TBC1D1: variants seen among roughly 807,000 people sequenced by gnomAD.
TBC1D1 encodes TBC1 (tre-2/USP6, BUB2, cdc16) domain family, member 1.
A neutral mutation model predicts 125.6 loss-of-function variants in TBC1D1; 89 were observed. The observed-to-expected ratio is 0.71, with a 90% CI of 0.60 to 0.85. The LOEUF (loss-of-function observed/expected upper bound fraction) is 0.85, where lower values mean the gene tolerates loss of function less well. Ranked by LOEUF, TBC1D1 falls within the 40% of genes least tolerant of loss-of-function variation. TBC1D1 has a pLI of 0.00. For synonymous variants in TBC1D1, 565 were observed against 564.1 expected (o/e 1.00, Z -0.02); for missense variants, 1,377 against 1,469.2 (o/e 0.94, Z 1.03).
chr4:38,089,089 A>G (rs1398965192), intron 12 of TBC1D1, among the ~76,000 whole-genome samples: 1 of 152,246 alleles, frequency 6.6e-6, no homozygotes, highest in African/African-American at 2.4e-5. Flanking sequence ...GATATAGGAA[A>G]CATTTGGATT....
intron 2 of TBC1D1, among the ~76,000 whole-genome samples, chr4:37,943,228 T>G (rs548762774): frequency 3.1e-4 from 47 of 152,370 alleles, no homozygotes; most frequent in African/African-American, 1.1e-3. Flanking sequence ...TGGGCTTCCC[T>G]TTGTGGGTAA....
chr4:37,921,029 G>A (rs1233756099), intron 2 of TBC1D1, among the ~76,000 whole-genome samples: 1 of 144,598 alleles, frequency 6.9e-6, no homozygotes, highest in Non-Finnish European at 1.5e-5. Flanking sequence ...AGAATGGCGC[G>A]AACCCAGGAG....
chr4:38,083,561 G>T (rs915894987), intron 12 of TBC1D1, among the ~76,000 whole-genome samples: 1 of 152,182 alleles, frequency 6.6e-6, no homozygotes, highest in Admixed American at 6.5e-5. Context: ...CTGTGTGCAG[G>T]CTTGTTTTTT....
chr4:38,040,488 TG>T lies in TBC1D1; in HGVS notation c.1414-3873del, dbSNP rs1748147987. On this transcript the variant is annotated intron_variant, in intron 8 of 19. Coordinates refer to ENST00000261439, the MANE Select transcript of TBC1D1 (RefSeq NM_015173.4). ...ATATTTAGTAGAGACGGGGTTTCAC[TG>T]TGTTGGATGGGATGTTCTCCGTCTC... is the stretch of plus-strand genomic sequence containing the variant. Among the ~76,000 whole-genome samples the T allele has an allele frequency of 2.0e-5, 3 of 152,266 alleles. No individual in the cohort carries two copies. In the South Asian group the frequency reaches 6.2e-4, roughly 32 times the overall value.
chr4:38,042,248 G>T (rs1157501601), intron 8 of TBC1D1, among the ~76,000 whole-genome samples: 4 of 151,786 alleles, frequency 2.6e-5, no homozygotes, highest in Non-Finnish European at 4.4e-5. Context: ...TGATTGTCTG[G>T]TTTACATTTT....
intron 2 of TBC1D1, among the ~76,000 whole-genome samples, chr4:37,933,340 CAAAT>C (rs908107245): frequency 4.6e-5 from 7 of 151,240 alleles, no homozygotes; most frequent in African/African-American, 1.5e-4. Flanking sequence ...ATACATGTAA[CAAAT>C]AGATATATAA....
intron 2 of TBC1D1, among the ~76,000 whole-genome samples, chr4:37,950,186 G>A (rs1405915736): frequency 6.6e-6 from 1 of 152,102 alleles, no homozygotes. Context: ...AGGCTGTGGC[G>A]TGAGTCTGAG....
intron 2 of TBC1D1, among the ~76,000 whole-genome samples, chr4:37,929,172 A>G (rs1156230569): frequency 6.6e-6 from 1 of 152,176 alleles, no homozygotes; most frequent in Non-Finnish European, 1.5e-5. Flanking sequence ...GATGCCAGAC[A>G]GTTTTTCTTT....
rs66650664 is a variant in TBC1D1 at position 38,052,335 on chromosome 4, G to GT, written c.1911-1850dup. ...GGCAGATTGGTTTGTGTTTGTGTTT[G>GT]TTTTTTTTTTTTTTGAGACAGGGTC... On this transcript the variant is annotated intron_variant, in intron 11 of 19. Coordinates refer to ENST00000261439, the MANE Select transcript of TBC1D1 (RefSeq NM_015173.4). Among the ~76,000 whole-genome samples, 1,248 of 141,144 alleles carry GT rather than the reference G, an allele frequency of 8.8e-3. 7 individuals carry two copies. The highest frequency in any genetic ancestry group is 0.011 in the Non-Finnish European group (703 of 64,652). 92.6% of individuals were successfully genotyped at this position (141,144 alleles called of 152,430 possible). A position where few individuals can be genotyped will look rare whatever the true frequency, so the allele number is the denominator to read the frequency against.
chr4:37,932,491 C>T (rs1211477542), intron 2 of TBC1D1, among the ~76,000 whole-genome samples: 1 of 152,134 alleles, frequency 6.6e-6, no homozygotes, highest in Non-Finnish European at 1.5e-5. Flanking sequence ...TCTAATACCC[C>T]TTATGAACAA....
At chr4:37,919,654 T>C (rs1046464912) in intron 2 of TBC1D1, among the ~76,000 whole-genome samples, 1 of 152,192 alleles carries the variant, frequency 6.6e-6, no homozygotes, top group Non-Finnish European at 1.5e-5. Context: ...ATCTGTTTCA[T>C]AGTTTAGATA....
At chr4:38,059,760 A>G (rs4832982) in intron 12 of TBC1D1, among the ~76,000 whole-genome samples, 13,703 of 152,178 alleles carry the variant, frequency 0.09, 701 homozygotes, top group Admixed American at 0.14. Context: ...CATGTGCAGG[A>G]TGTGCAGGTT....
chr4:37,954,716 G>A (rs904551949), intron 2 of TBC1D1, among the ~76,000 whole-genome samples: 3 of 152,040 alleles, frequency 2.0e-5, no homozygotes, highest in African/African-American at 7.2e-5. Flanking sequence ...TCGGCTCTGA[G>A]GCGGAAGTGC....
chr4:37,904,710 A>G (rs1230033658), intron 2 of TBC1D1, among the ~76,000 whole-genome samples: 1 of 152,230 alleles, frequency 6.6e-6, no homozygotes, highest in African/African-American at 2.4e-5. Context: ...TTTGGCTTGC[A>G]TACCATTTTT....
intron 2 of TBC1D1, among the ~76,000 whole-genome samples, chr4:37,949,210 C>G (rs1727339234): frequency 6.6e-6 from 1 of 152,170 alleles, no homozygotes; most frequent in Non-Finnish European, 1.5e-5. Flanking sequence ...TTGTATTTAA[C>G]AAAATATGTG....
intron 12 of TBC1D1, among the ~76,000 whole-genome samples, chr4:38,064,694 G>A (rs997223199): frequency 9.4e-5 from 14 of 148,442 alleles, no homozygotes; most frequent in Non-Finnish European, 2.1e-4. Context: ...TGCGATCTCC[G>A]CTCACTGCCA....
intron 2 of TBC1D1, among the ~76,000 whole-genome samples, chr4:37,968,959 T>TG (rs1427183920): frequency 6.6e-6 from 1 of 152,212 alleles, no homozygotes; most frequent in Non-Finnish European, 1.5e-5. Flanking sequence ...CAGAGACACT[T>TG]GGACGATTTG....
chr4:38,030,980 G>T (rs1746014497), intron 7 of TBC1D1, among the ~76,000 whole-genome samples: 1 of 152,202 alleles, frequency 6.6e-6, no homozygotes, highest in Non-Finnish European at 1.5e-5. Flanking sequence ...TGAGCACTCT[G>T]AGAACTTAAT....
intron 10 of TBC1D1, 24 bp from the exon 11 acceptor site, chr4:38,049,594 G>A (rs771545131): frequency 1.3e-6 from 2 of 1,580,246 alleles, no homozygotes; most frequent in Non-Finnish European, 1.7e-6. Context: ...TGGTGTGTCT[G>A]ATCTGCTGTG....
Sources: allele counts gnomAD v4.1 joint callset (sites outside exome capture counted in the v4.1 genomes callset), GRCh38; gene constraint gnomAD v4.1.1; transcripts MANE v1.5; gene names NCBI Gene and HGNC (gene_info 2026-07-23, HGNC 2026-07-21).